RYR3: variants seen among roughly 807,000 people sequenced by gnomAD.
The protein encoded by RYR3 is ryanodine receptor 3.
RYR3 carries 207 observed loss-of-function variants against 584.3 expected under a neutral mutation model. The observed-to-expected ratio is 0.35, with a 90% CI of 0.32 to 0.40. RYR3 has a LOEUF of 0.40. Among genes scored for constraint, RYR3 ranks in the 10% least tolerant of loss-of-function variants. RYR3 has a pLI of 1.00. For missense variants in RYR3, 5,616 were observed against 6,089.2 expected, an observed-to-expected ratio of 0.92 and a Z score of 2.59; for synonymous variants, 2,416 against 2,248.5, an observed-to-expected ratio of 1.07 and a Z score of -2.11.
chr15:33,473,826 A>T (rs1396972027), intron 2 of RYR3, among the ~76,000 whole-genome samples: 1 of 152,148 alleles, frequency 6.6e-6, no homozygotes. Flanking sequence ...GGAGGTCTTA[A>T]TACTCCCAGA....
At chr15:33,656,518 C>T (rs2062832727) in intron 32 of RYR3, among the ~76,000 whole-genome samples, 2 of 152,090 alleles carry the variant, frequency 1.3e-5, no homozygotes, top group South Asian at 2.1e-4. Context: ...CAAGTTACCA[C>T]AAAATTTAGC....
intron 1 of RYR3, among the ~76,000 whole-genome samples, chr15:33,457,074 A>T (rs1020467355): frequency 1.1e-4 from 17 of 152,228 alleles, no homozygotes; most frequent in African/African-American, 3.9e-4. Context: ...ATTGTATAAT[A>T]CTATTGTGTA....
Position 33,859,742 on chromosome 15 carries a change from CAATTG to C in RYR3, c.14299+12_14299+16del. On this transcript the variant is annotated intron_variant, in intron 100 of 103. Coordinates refer to ENST00000634891, the MANE Select transcript of RYR3 (RefSeq NM_001036.6). The stretch of plus-strand genomic sequence containing the variant: ...TGGCCATCATTCAAGGTATGATTGC[CAATTG>C]TGTTGAGTATGAACAGGGTTTAATC... The C allele has an allele frequency of 1.2e-6, 2 of 1,600,712 alleles. No individual in the cohort carries two copies. The highest frequency in any genetic ancestry group is 1.7e-6 in the Non-Finnish European group (2 of 1,172,560).
chr15:33,336,406 A>G (rs1595754382), intron 1 of RYR3, among the ~76,000 whole-genome samples: 1 of 144,592 alleles, frequency 6.9e-6, no homozygotes. Flanking sequence ...AGCCTGGGCG[A>G]CAGAGCGAGA....
intron 32 of RYR3, among the ~76,000 whole-genome samples, chr15:33,653,851 T>C (rs1452946079): frequency 6.6e-6 from 1 of 152,192 alleles, no homozygotes. Context: ...CTGCCACATA[T>C]CACATCCACC....
chr15:33,351,385 G>A (rs1272141299), intron 1 of RYR3, among the ~76,000 whole-genome samples: 1 of 152,020 alleles, frequency 6.6e-6, no homozygotes, highest in African/African-American at 2.4e-5. Context: ...ATAGAAAAGA[G>A]GGAATCCTCC....
intron 60 of RYR3, among the ~76,000 whole-genome samples, chr15:33,765,504 A>G (rs962574671): frequency 6.6e-6 from 1 of 151,594 alleles, no homozygotes; most frequent in South Asian, 2.1e-4. Flanking sequence ...ATGGTAGCAC[A>G]CACCTGTAGT....
intron 98 of RYR3, 63 bp from the exon 99 acceptor site, chr15:33,857,717 T>G: frequency 6.2e-7 from 1 of 1,600,438 alleles, no homozygotes; most frequent in South Asian, 1.1e-5. Context: ...TAGAGTCTCC[T>G]GTGAACCTTT....
intron 60 of RYR3, among the ~76,000 whole-genome samples, chr15:33,764,360 A>G (rs1260444210): frequency 6.6e-6 from 1 of 152,120 alleles, no homozygotes; most frequent in African/African-American, 2.4e-5. Flanking sequence ...TCTCACTCAT[A>G]AGTGGGAGTT....
At chr15:33,853,519 T>A (rs773886779) in intron 95 of RYR3, 36 bp from the exon 96 acceptor site, 2 of 1,604,396 alleles carry the variant, frequency 1.2e-6, no homozygotes, top group Admixed American at 3.4e-5. Flanking sequence ...GGTGGTGGCG[T>A]GTGGCCTGAG....
intron 1 of RYR3, among the ~76,000 whole-genome samples, chr15:33,406,720 T>C (rs1382922945): frequency 6.6e-6 from 1 of 152,222 alleles, no homozygotes; most frequent in African/African-American, 2.4e-5. Context: ...AGACAAGGGC[T>C]TGTTAGTCGA....
intron 81 of RYR3, 115 bp downstream of exon 81, chr15:33,823,187 G>A (rs533709476): frequency 2.6e-6 from 2 of 766,530 alleles, no homozygotes; most frequent in African/African-American, 1.7e-5. Context: ...GAGAGAGGAA[G>A]CACCTACTTA....
chr15:33,755,313 T>G (rs1185714007), intron 58 of RYR3, 133 bp downstream of exon 58: 10 of 651,380 alleles, frequency 1.5e-5, no homozygotes, highest in African/African-American at 1.3e-4. Context: ...GAAATTTTTT[T>G]CCCCCAACTT....
chr15:33,790,388 G>C (rs1213287744), intron 67 of RYR3, among the ~76,000 whole-genome samples: 2 of 152,136 alleles, frequency 1.3e-5, no homozygotes, highest in Admixed American at 1.3e-4. Context: ...GAAGTTATCA[G>C]ATTCTGGGTC....
chr15:33,447,848 A>G (rs543762844), intron 1 of RYR3, among the ~76,000 whole-genome samples: 13 of 152,338 alleles, frequency 8.5e-5, no homozygotes, highest in Admixed American at 8.5e-4. Context: ...AATAGATGAT[A>G]ATAGTAATAA....
chr15:33,327,460 A>T (rs74662659), intron 1 of RYR3, among the ~76,000 whole-genome samples: 3,572 of 152,270 alleles, frequency 0.023, 59 homozygotes, highest in Non-Finnish European at 0.037. Context: ...CTTTGAACCT[A>T]CCATTTGGTT....
In RYR3 at chr15:33,662,908, G is replaced by T. The variant is rs2063251540; in HGVS notation, c.5378G>T (p.Gly1793Val). The change falls in exon 35 of 104, where the codon GGC (glycine) becomes GTC (valine). Residue 1793 changes from glycine (G) to valine (V), a missense_variant. This residue lies in a region of RYR3 where 753 missense variants were observed against 741.0 expected (regional missense o/e 1.02). Coordinates refer to ENST00000634891, the MANE Select transcript of RYR3 (RefSeq NM_001036.6). Reference protein sequence around the residue: ...EKAGKEAPVKGLLQTRLPESV... With the variant: ...EKAGKEAPVKVLLQTRLPESV... ...GCCGGCAAGGAGGCTCCTGTCAAAG[G>T]CTTGTTGCAGACTCGATTACCCGAA... is the stretch of plus-strand genomic sequence containing the variant. The T allele has an allele frequency of 6.2e-7, 1 of 1,613,322 alleles. No homozygotes were observed. Among genetic ancestry groups the T allele is most frequent in the South Asian group, 1.1e-5 (1 of 91,062 alleles).
At chr15:33,662,103 T>G in intron 34 of RYR3, 50 bp from the exon 35 acceptor site, 4 of 1,448,068 alleles carry the variant, frequency 2.8e-6, no homozygotes, top group Non-Finnish European at 3.7e-6. Flanking sequence ...AGCTGGATTC[T>G]GGTGGGTTCT....
In RYR3 at chr15:33,486,922, C is replaced by T. The variant is rs115738275; in HGVS notation, c.171+13384C>T. On this transcript the variant is annotated intron_variant, in intron 2 of 103. Coordinates refer to ENST00000634891, the MANE Select transcript of RYR3 (RefSeq NM_001036.6). ...GAGAACTTTGGGATGGATGGCTGGG[C>T]GCAGTGGGTCATGACTGTAATCCCA... Among the ~76,000 whole-genome samples, 1,184 of 152,086 alleles carry T rather than the reference C, an allele frequency of 7.8e-3. 9 individuals are homozygous for T. The highest frequency in any genetic ancestry group is 0.025 in the African/African-American group (1,020 of 41,486).
Sources: allele counts gnomAD v4.1 joint callset (sites outside exome capture counted in the v4.1 genomes callset), GRCh38; gene constraint gnomAD v4.1.1; regional missense constraint gnomAD v4.1.1; transcripts MANE v1.5; gene names NCBI Gene and HGNC (gene_info 2026-07-23, HGNC 2026-07-21).